The following LRRC37A2 variants were observed in gnomAD, a reference collection of about 807,000 sequenced individuals.
The protein encoded by LRRC37A2 is leucine rich repeat containing 37 member A2, also known as leucine-rich repeat-containing protein 37A2.
A neutral mutation model predicts 68.8 loss-of-function variants in LRRC37A2; 9 were observed. The observed-to-expected ratio is 0.13, with a 90% CI of 0.08 to 0.23. The LOEUF is 0.23. Ranked by LOEUF, LRRC37A2 falls within the 10% of genes least tolerant of loss-of-function variation. The pLI, the probability that LRRC37A2 is intolerant of heterozygous loss-of-function variation, is 1.00. For missense variants in LRRC37A2, 168 were observed against 950.4 expected, an observed-to-expected ratio of 0.18 and a Z score of 10.82; for synonymous variants, 63 against 367.6, an observed-to-expected ratio of 0.17 and a Z score of 9.48.
intron 8 of LRRC37A2, among the ~76,000 whole-genome samples, chr17:46,543,544 T>C (rs4309442): frequency 6.6e-6 from 1 of 150,906 alleles, no homozygotes; most frequent in Non-Finnish European, 1.5e-5. Context: ...TGAGTGATGA[T>C]AGTCCTCTGG....
At chr17:46,529,144 T>G (rs1194265445) in intron 6 of LRRC37A2, among the ~76,000 whole-genome samples, 1 of 135,788 alleles carries the variant, frequency 7.4e-6, no homozygotes, top group African/African-American at 2.7e-5. Flanking sequence ...CCTCAGTTAA[T>G]AGAAAGGAAA....
the LRRC37A2 span, chr17:47,019,672 G>A: frequency 2.9e-6 from 4 of 1,402,874 alleles, no homozygotes; most frequent in Non-Finnish European, 3.0e-6. Flanking sequence ...GCCTCCACAA[G>A]CACCAACATA....
the LRRC37A2 span, among the ~76,000 whole-genome samples, chr17:46,890,217 A>G: frequency 6.6e-6 from 1 of 152,142 alleles, no homozygotes; most frequent in Admixed American, 6.5e-5. Flanking sequence ...TTCAGATTAG[A>G]GCCCATTACG....
the LRRC37A2 span, chr17:46,875,331 C>G: frequency 1.2e-6 from 2 of 1,611,752 alleles, no homozygotes; most frequent in Admixed American, 3.3e-5. Context: ...CCTGCGGGCA[C>G]GGGCAGACGC....
the LRRC37A2 span, among the ~76,000 whole-genome samples, chr17:46,678,383 A>C: frequency 8.8e-6 from 1 of 113,882 alleles, no homozygotes; most frequent in Non-Finnish European, 1.8e-5. Context: ...CAAGTGAATG[A>C]GTTTAAATAG....
chr17:46,981,127 C>T, the LRRC37A2 span, among the ~76,000 whole-genome samples: 1 of 152,160 alleles, frequency 6.6e-6, no homozygotes, highest in Non-Finnish European at 1.5e-5. Context: ...TGCCTGGAGA[C>T]TTGAATTCCA....
the LRRC37A2 span, among the ~76,000 whole-genome samples, chr17:46,808,090 G>C: frequency 1.3e-5 from 2 of 152,192 alleles, no homozygotes; most frequent in African/African-American, 4.8e-5. Flanking sequence ...GAAGGAAAGA[G>C]CTTAGTGCTG....
At chr17:46,923,991 A>C in the LRRC37A2 span, 1 of 397,148 alleles carries the variant, frequency 2.5e-6, no homozygotes, top group Non-Finnish European at 4.4e-6. Context: ...TATACACAAC[A>C]TAAGATTTAC....
At chr17:46,783,863 G>A in the LRRC37A2 span, among the ~76,000 whole-genome samples, 1 of 152,236 alleles carries the variant, frequency 6.6e-6, no homozygotes, top group Non-Finnish European at 1.5e-5. Context: ...GGGGCCCTGA[G>A]TGCCAGACAT....
At chr17:46,500,176 A>G in the LRRC37A2 span, among the ~76,000 whole-genome samples, 1 of 149,264 alleles carries the variant, frequency 6.7e-6, no homozygotes. Flanking sequence ...ATTCATGCAG[A>G]CCACTTGACT....
chr17:46,819,124 A>G, the LRRC37A2 span, among the ~76,000 whole-genome samples: 1 of 152,172 alleles, frequency 6.6e-6, no homozygotes, highest in Non-Finnish European at 1.5e-5. The surrounding 1 kb of genome is among the most constrained non-coding windows in gnomAD (Gnocchi z 5.3). Flanking sequence ...AATCGAGGGT[A>G]GAAAGCACAG....
the LRRC37A2 span, among the ~76,000 whole-genome samples, chr17:46,753,269 A>T: frequency 3.9e-5 from 6 of 152,208 alleles, no homozygotes; most frequent in Admixed American, 6.5e-5. Flanking sequence ...GGCAGAGGTG[A>T]AGTTTCTGTT....
the LRRC37A2 span, among the ~76,000 whole-genome samples, chr17:46,712,362 G>A: frequency 6.6e-6 from 1 of 152,174 alleles, no homozygotes; most frequent in Non-Finnish European, 1.5e-5. Context: ...AGATGCTGCT[G>A]TTGTCTCTAT....
chr17:46,932,261 G>T, the LRRC37A2 span: 1 of 1,595,584 alleles, frequency 6.3e-7, no homozygotes, highest in Non-Finnish European at 8.6e-7. Context: ...CTGGAGTTCA[G>T]ATCTCTGAGC....
the LRRC37A2 span, among the ~76,000 whole-genome samples, chr17:46,780,832 C>T: frequency 2.0e-4 from 31 of 152,210 alleles, no homozygotes; most frequent in South Asian, 3.5e-3. Flanking sequence ...CCAGTGTTCA[C>T]GGCAGTGCTA....
At chr17:47,047,943 A>G in the LRRC37A2 span, among the ~76,000 whole-genome samples, 527 of 147,526 alleles carry the variant, frequency 3.6e-3, 4 homozygotes, top group Middle Eastern at 0.014. Context: ...AAATGTGACT[A>G]CTTTCATGTC....
the LRRC37A2 span, among the ~76,000 whole-genome samples, chr17:46,896,452 A>AAGAAAGAGAAAG: frequency 6.3e-3 from 413 of 65,878 alleles, 10 homozygotes; most frequent in East Asian, 0.036. Flanking sequence ...GAAAGAAAGA[A>AAGAAAGAGAAAG]AAAGAAAGAA....
At chr17:46,728,902 C>T in the LRRC37A2 span, 13 of 1,607,790 alleles carry the variant, frequency 8.1e-6, no homozygotes, top group African/African-American at 2.7e-5. Flanking sequence ...ATTACAGGCT[C>T]TTCTCGTTTT....
chr17:46,776,856 G>A, the LRRC37A2 span, among the ~76,000 whole-genome samples: 1 of 152,072 alleles, frequency 6.6e-6, no homozygotes, highest in Non-Finnish European at 1.5e-5. Flanking sequence ...GAGGCACTCG[G>A]AGACCCTTCC....
Sources: allele counts gnomAD v4.1 joint callset (sites outside exome capture counted in the v4.1 genomes callset), GRCh38; gene constraint gnomAD v4.1.1; non-coding constraint Gnocchi (gnomAD v3.1); transcripts MANE v1.5; gene names NCBI Gene and HGNC (gene_info 2026-07-23, HGNC 2026-07-21).